Variants in DLGAP2 observed in about 807,000 individuals in gnomAD.
DLGAP2 encodes the protein disks large-associated protein 2.
In DLGAP2, 26 loss-of-function variants were observed where a neutral mutation model predicts 100.3. That is an observed-to-expected ratio of 0.26 (90% CI 0.19 to 0.36). The LOEUF (loss-of-function observed/expected upper bound fraction) is 0.36. DLGAP2 is among the 10% of genes least tolerant of loss of function. The pLI, the probability that DLGAP2 is intolerant of heterozygous loss-of-function variation, is 1.00. For missense variants in DLGAP2, 1,858 were observed against 1,453.2 expected, an observed-to-expected ratio of 1.28 and a Z score of -4.53; for synonymous variants, 886 against 630.1, an observed-to-expected ratio of 1.41 and a Z score of -6.08.
chr8:1,314,299 C>G (rs1800678283), intron 3 of DLGAP2, among the ~76,000 whole-genome samples: 1 of 152,176 alleles, frequency 6.6e-6, no homozygotes, highest in African/African-American at 2.4e-5. Flanking sequence ...TAGAGGTTTT[C>G]TTTGCACCTG....
At chr8:1,081,400 G>A (rs1056600048) in intron 2 of DLGAP2, among the ~76,000 whole-genome samples, 2 of 152,212 alleles carry the variant, frequency 1.3e-5, no homozygotes, top group African/African-American at 2.4e-5. Context: ...CGCCCAGGTT[G>A]GAGTGCAGTG....
intron 13 of DLGAP2, among the ~76,000 whole-genome samples, chr8:1,694,939 C>G (rs1178561808): frequency 6.6e-6 from 1 of 152,106 alleles, no homozygotes; most frequent in East Asian, 1.9e-4. Flanking sequence ...CAAAAGAGAA[C>G]AGAAGACAAA....
At chr8:1,274,641 A>G (rs1377528202) in intron 3 of DLGAP2, among the ~76,000 whole-genome samples, 1 of 149,882 alleles carries the variant, frequency 6.7e-6, no homozygotes, top group Non-Finnish European at 1.5e-5. Context: ...TAGAACATAA[A>G]CCATAAAATG....
At chr8:978,671 T>TCTGGTGTTTGGTGAC (rs1800237585) in intron 2 of DLGAP2, among the ~76,000 whole-genome samples, 1 of 136,608 alleles carries the variant, frequency 7.3e-6, no homozygotes, top group African/African-American at 2.8e-5. Context: ...TCTTTGGTGT[T>TCTGGTGTTTGGTGAC]GTGGGGAGGG....
In DLGAP2 at chr8:738,119, G is replaced by A. The variant is rs938265509; in HGVS notation, c.18+294G>A. 2.2e-5 allele frequency: 5 copies of A among 227,932 alleles called. No homozygotes were observed. In the East Asian group the frequency reaches 2.8e-4, roughly 13 times the overall value. 14.1% of individuals were successfully genotyped at this position (227,932 alleles called of 1,614,324 possible). A position where few individuals can be genotyped will look rare whatever the true frequency, so the allele number is the denominator to read the frequency against. On this transcript the variant is annotated intron_variant, in intron 1 of 14. Transcript: ENST00000637795. The stretch of plus-strand genomic sequence containing the variant: ...TGCGGGAGCGCACGGGGCCGCGGAG[G>A]TGTGAAATTCTCCGCTCTGCCTGCC...
intron 3 of DLGAP2, among the ~76,000 whole-genome samples, chr8:1,415,980 T>C (rs1796872364): frequency 6.6e-6 from 1 of 152,080 alleles, no homozygotes; most frequent in Non-Finnish European, 1.5e-5. Flanking sequence ...TTAACATAAA[T>C]TGGGGGAGGG....
At chr8:1,365,889 T>A (rs1802097517) in intron 3 of DLGAP2, among the ~76,000 whole-genome samples, 1 of 152,186 alleles carries the variant, frequency 6.6e-6, no homozygotes, top group African/African-American at 2.4e-5. Context: ...AGAATAAACA[T>A]CTGCCCAGGA....
intron 4 of DLGAP2, among the ~76,000 whole-genome samples, chr8:1,546,803 A>C (rs1458995356): frequency 6.6e-6 from 1 of 152,068 alleles, no homozygotes; most frequent in Non-Finnish European, 1.5e-5. Flanking sequence ...GCGAGAGAGG[A>C]GCAAGTGGGA....
chr8:1,362,446 G>T (rs1006296506), intron 3 of DLGAP2, among the ~76,000 whole-genome samples: 6 of 152,032 alleles, frequency 3.9e-5, no homozygotes, highest in African/African-American at 1.5e-4. Context: ...CTCGGTAAGG[G>T]CTGGCGTGGT....
At chr8:1,201,478 A>T (rs1797872791) in intron 2 of DLGAP2, among the ~76,000 whole-genome samples, 1 of 152,204 alleles carries the variant, frequency 6.6e-6, no homozygotes, top group Non-Finnish European at 1.5e-5. Flanking sequence ...CAGAGCCTCC[A>T]GAAGGAAGCC....
chr8:1,366,108 C>T (rs891048219), intron 3 of DLGAP2, among the ~76,000 whole-genome samples: 2 of 152,246 alleles, frequency 1.3e-5, no homozygotes, highest in African/African-American at 4.8e-5. Context: ...AGACACTGTG[C>T]TGGGGATTCA....
At chr8:764,383 C>T (rs6986946) in intron 1 of DLGAP2, among the ~76,000 whole-genome samples, 12,019 of 152,220 alleles carry the variant, frequency 0.079, 727 homozygotes, top group East Asian at 0.33. Context: ...TCCATCCATC[C>T]GAGAGAAGAA....
intron 3 of DLGAP2, among the ~76,000 whole-genome samples, chr8:1,473,220 C>T (rs537214764): frequency 7.9e-5 from 12 of 152,302 alleles, no homozygotes; most frequent in Admixed American, 2.6e-4. Flanking sequence ...CGTGAGCCAC[C>T]GTGCCCAGCC....
chr8:989,661 A>T (rs1016831404), intron 2 of DLGAP2, among the ~76,000 whole-genome samples: 1 of 152,172 alleles, frequency 6.6e-6, no homozygotes. Flanking sequence ...CTCCATCTGG[A>T]ACCTGAGAAA....
intron 3 of DLGAP2, among the ~76,000 whole-genome samples, chr8:1,355,740 G>C (rs1013036482): frequency 6.6e-6 from 1 of 152,026 alleles, no homozygotes; most frequent in Non-Finnish European, 1.5e-5. Flanking sequence ...AACAAGACTG[G>C]TCCTGTCCCT....
At chr8:1,039,387 T>A (rs1325763455) in intron 2 of DLGAP2, among the ~76,000 whole-genome samples, 3 of 149,560 alleles carry the variant, frequency 2.0e-5, no homozygotes, top group African/African-American at 7.4e-5. Context: ...GTCAGCTCGG[T>A]TTCCGTGCTA....
At chr8:1,354,563 G>A (rs1026189263) in intron 3 of DLGAP2, among the ~76,000 whole-genome samples, 7 of 152,044 alleles carry the variant, frequency 4.6e-5, no homozygotes, top group Non-Finnish European at 8.8e-5. Flanking sequence ...AAGACTGTGG[G>A]GCCATTAAGA....
intron 3 of DLGAP2, among the ~76,000 whole-genome samples, chr8:1,447,730 T>C (rs1278917230): frequency 6.6e-6 from 1 of 152,238 alleles, no homozygotes; most frequent in Non-Finnish European, 1.5e-5. Flanking sequence ...CTTTTTTTGG[T>C]TGGTAAGCTA....
intron 3 of DLGAP2, among the ~76,000 whole-genome samples, chr8:1,373,484 G>C (rs1307299598): frequency 2.0e-5 from 3 of 152,218 alleles, no homozygotes; most frequent in Non-Finnish European, 4.4e-5. Flanking sequence ...GATCAGGTTT[G>C]TGTTTCTGTG....
Sources: allele counts gnomAD v4.1 joint callset (sites outside exome capture counted in the v4.1 genomes callset), GRCh38; gene constraint gnomAD v4.1.1; transcripts MANE v1.5; gene names NCBI Gene and HGNC (gene_info 2026-07-23, HGNC 2026-07-21).